Variants in ACTR3C observed in about 807,000 individuals in gnomAD.
ACTR3C encodes the protein actin-related protein 3C.
ACTR3C carries 18 observed loss-of-function variants against 26.3 expected under a neutral mutation model. That is an observed-to-expected ratio of 0.68 (90% CI 0.47 to 1.01). ACTR3C has a LOEUF of 1.01. Among genes scored for constraint, ACTR3C ranks in the 50% least tolerant of loss-of-function variants. The pLI, the probability that ACTR3C is intolerant of heterozygous loss-of-function variation, is 0.00. For synonymous variants in ACTR3C, 55 were observed against 94.5 expected (o/e 0.58, Z 2.42); for missense variants, 184 against 250.7 (o/e 0.73, Z 1.80).
At chr7:150,021,779 T>G in the ACTR3C span, among the ~76,000 whole-genome samples, 1 of 151,966 alleles carries the variant, frequency 6.6e-6, no homozygotes, top group East Asian at 1.9e-4. Context: ...TCTGTCCAGG[T>G]TGCTGTGAAT....
At chr7:149,995,208 A>G in the ACTR3C span, among the ~76,000 whole-genome samples, 1 of 152,290 alleles carries the variant, frequency 6.6e-6, no homozygotes, top group South Asian at 2.1e-4. Flanking sequence ...AATGTAAAGG[A>G]TTTTTTTGCC....
chr7:150,030,389 A>G, the ACTR3C span, among the ~76,000 whole-genome samples: 1 of 151,412 alleles, frequency 6.6e-6, no homozygotes, highest in Non-Finnish European at 1.5e-5. Context: ...GATGGTATAG[A>G]TAGACAGCCT....
At chr7:150,207,367 A>C in the ACTR3C span, among the ~76,000 whole-genome samples, 1 of 152,194 alleles carries the variant, frequency 6.6e-6, no homozygotes, top group Admixed American at 6.5e-5. Context: ...TAAAAATAAT[A>C]GTTTCTTAGT....
At chr7:150,187,899 A>G in the ACTR3C span, among the ~76,000 whole-genome samples, 1 of 151,906 alleles carries the variant, frequency 6.6e-6, no homozygotes, top group South Asian at 2.1e-4. Context: ...CTTTTAGAAT[A>G]TGCAAATCTC....
chr7:150,088,659 T>A, the ACTR3C span, among the ~76,000 whole-genome samples: 1 of 152,232 alleles, frequency 6.6e-6, no homozygotes, highest in Non-Finnish European at 1.5e-5. Context: ...AAGTGCTTAG[T>A]GATAGGTGTT....
chr7:150,077,290 G>A, the ACTR3C span, among the ~76,000 whole-genome samples: 2 of 152,180 alleles, frequency 1.3e-5, no homozygotes, highest in South Asian at 2.1e-4. Flanking sequence ...TTTGGGGAAT[G>A]CAGACTTAAG....
At chr7:149,910,330 C>T in the ACTR3C span, among the ~76,000 whole-genome samples, 1 of 152,102 alleles carries the variant, frequency 6.6e-6, no homozygotes, top group East Asian at 1.9e-4. Flanking sequence ...AGCATCTCTT[C>T]ATCATCTCAT....
chr7:150,236,873 C>T, the ACTR3C span, among the ~76,000 whole-genome samples: 1 of 150,262 alleles, frequency 6.7e-6, no homozygotes. Flanking sequence ...TTAGGTCTTT[C>T]CTGTTGATAT....
the ACTR3C span, among the ~76,000 whole-genome samples, chr7:150,003,569 G>A: frequency 5.3e-5 from 8 of 152,150 alleles, no homozygotes; most frequent in Non-Finnish European, 1.0e-4. Context: ...GATGTGTGTT[G>A]TGTGTGGTAC....
At chr7:150,081,991 AG>A in the ACTR3C span, among the ~76,000 whole-genome samples, 1 of 151,962 alleles carries the variant, frequency 6.6e-6, no homozygotes, top group Non-Finnish European at 1.5e-5. Context: ...GAGTATAAAG[AG>A]CAACAAATGC....
chr7:149,978,129 C>T, the ACTR3C span, among the ~76,000 whole-genome samples: 1 of 152,024 alleles, frequency 6.6e-6, no homozygotes, highest in African/African-American at 2.4e-5. Flanking sequence ...TGCCATAGCC[C>T]TTCAGATGTG....
the ACTR3C span, among the ~76,000 whole-genome samples, chr7:149,981,824 C>T: frequency 6.6e-6 from 1 of 152,170 alleles, no homozygotes; most frequent in Non-Finnish European, 1.5e-5. Flanking sequence ...GAGAAGAAAA[C>T]AAGATGTGAA....
At chr7:149,912,564 G>A in the ACTR3C span, among the ~76,000 whole-genome samples, 12 of 150,176 alleles carry the variant, frequency 8.0e-5, no homozygotes, top group East Asian at 1.4e-3. Flanking sequence ...GTGCAGTGGC[G>A]CGATCTCGGC....
At chr7:150,036,432 G>A in the ACTR3C span, among the ~76,000 whole-genome samples, 77 of 146,494 alleles carry the variant, frequency 5.3e-4, no homozygotes, top group African/African-American at 1.9e-3. Context: ...TCTCTCTGAC[G>A]CATACAATGG....
chr7:150,041,470 T>C, the ACTR3C span: 1 of 169,080 alleles, frequency 5.9e-6, no homozygotes, highest in Non-Finnish European at 1.1e-5. Flanking sequence ...AGGTGGGTCC[T>C]AAGGATCTTA....
chr7:150,035,259 G>T, the ACTR3C span, among the ~76,000 whole-genome samples: 10 of 79,338 alleles, frequency 1.3e-4, 1 homozygote, highest in African/African-American at 3.6e-4. Context: ...GGAACCAGGG[G>T]CTGGCTCTCA....
the ACTR3C span, among the ~76,000 whole-genome samples, chr7:150,009,286 G>A: frequency 7.2e-5 from 11 of 152,232 alleles, no homozygotes; most frequent in African/African-American, 2.4e-4. Context: ...AGATTCCAAT[G>A]AGGGACATAA....
the ACTR3C span, among the ~76,000 whole-genome samples, chr7:149,988,513 C>A: frequency 6.6e-6 from 1 of 152,208 alleles, no homozygotes; most frequent in African/African-American, 2.4e-5. Context: ...CCATTCATGA[C>A]ATTTGCCTAC....
the ACTR3C span, among the ~76,000 whole-genome samples, chr7:150,041,649 C>T: frequency 1.3e-3 from 131 of 100,038 alleles, 1 homozygote; most frequent in African/African-American, 4.5e-3. Context: ...CCCCCCCCTG[C>T]GATGAGGGTA....
Sources: gnomAD v4.1 joint callset for allele counts (sites outside exome capture counted in the v4.1 genomes callset) on GRCh38, gnomAD v4.1.1 for gene constraint, MANE v1.5 for transcripts, NCBI Gene and HGNC (gene_info 2026-07-23, HGNC 2026-07-21) for gene names.